The following NTRK3 variants were observed in gnomAD, a reference collection of about 807,000 sequenced individuals.
NTRK3 encodes NT-3 growth factor receptor.
NTRK3 carries 24 observed loss-of-function variants against 91.7 expected under a neutral mutation model. That is an observed-to-expected ratio of 0.26 (90% CI 0.19 to 0.37). The LOEUF is 0.37. NTRK3 is among the 10% of genes least tolerant of loss of function. The probability of loss-of-function intolerance (pLI) is 1.00; values close to 1 mark genes in which losing one functional copy is unlikely to be tolerated. For synonymous variants in NTRK3, 483 were observed against 404.0 expected, an observed-to-expected ratio of 1.20 and a Z score of -2.34; for missense variants, 880 against 1,068.9, an observed-to-expected ratio of 0.82 and a Z score of 2.46.
chr15:88,088,626 G>C (rs554247348), intron 13 of NTRK3, among the ~76,000 whole-genome samples: 1 of 152,242 alleles, frequency 6.6e-6, no homozygotes, highest in Admixed American at 6.5e-5. Flanking sequence ...CATAGTCATA[G>C]AAGTAATATG....
intron 17 of NTRK3, among the ~76,000 whole-genome samples, chr15:87,885,116 G>A (rs1028011699): frequency 3.3e-5 from 5 of 151,846 alleles, no homozygotes; most frequent in African/African-American, 9.7e-5. Flanking sequence ...CTCACATGCC[G>A]GTGGCAATGA....
chr15:87,948,508 C>T (rs1431460572), intron 14 of NTRK3, among the ~76,000 whole-genome samples: 5 of 152,032 alleles, frequency 3.3e-5, no homozygotes, highest in Admixed American at 6.5e-5. Context: ...GCCAACATGG[C>T]GAAACCCCAT....
chr15:88,176,602 C>A (rs1463322782), intron 5 of NTRK3, among the ~76,000 whole-genome samples: 1 of 152,176 alleles, frequency 6.6e-6, no homozygotes, highest in Admixed American at 6.5e-5. Context: ...TCAGCTCTTA[C>A]CCATGGAGAT....
At chr15:88,057,765 A>G (rs2045855762) in intron 13 of NTRK3, among the ~76,000 whole-genome samples, 1 of 152,208 alleles carries the variant, frequency 6.6e-6, no homozygotes, top group African/African-American at 2.4e-5. Flanking sequence ...CTGCACCCAT[A>G]GCCTCTTGCA....
At chr15:88,187,203 T>C (rs2047012521) in intron 3 of NTRK3, among the ~76,000 whole-genome samples, 1 of 152,184 alleles carries the variant, frequency 6.6e-6, no homozygotes, top group Non-Finnish European at 1.5e-5. Flanking sequence ...AAACCCCATG[T>C]GGCAGAGTGT....
chr15:87,946,503 C>A (rs867222665), intron 14 of NTRK3, among the ~76,000 whole-genome samples: 4 of 152,140 alleles, frequency 2.6e-5, no homozygotes, highest in Non-Finnish European at 4.4e-5. Flanking sequence ...GTCTTGGGGA[C>A]CACGTGTGTG....
chr15:88,201,094 C>A (rs530069757), intron 3 of NTRK3, among the ~76,000 whole-genome samples: 2 of 152,300 alleles, frequency 1.3e-5, no homozygotes, highest in East Asian at 3.9e-4. Flanking sequence ...CGGTTAACAA[C>A]AGGAGTGCTT....
intron 14 of NTRK3, among the ~76,000 whole-genome samples, chr15:88,023,693 C>T (rs570075202): frequency 5.3e-5 from 8 of 152,264 alleles, no homozygotes; most frequent in East Asian, 1.9e-4. Context: ...CTAAAACAAC[C>T]GCAGGAAGCT....
chr15:88,063,990 T>C (rs922052102), intron 13 of NTRK3, among the ~76,000 whole-genome samples: 1 of 152,156 alleles, frequency 6.6e-6, no homozygotes, highest in Admixed American at 6.5e-5. Flanking sequence ...TTTGTAGATA[T>C]AATTAAAATA....
chr15:88,058,404 T>C (rs752082745), intron 13 of NTRK3, among the ~76,000 whole-genome samples: 1 of 152,172 alleles, frequency 6.6e-6, no homozygotes. Context: ...GAAAAGTGTT[T>C]GGTATTTATT....
intron 3 of NTRK3, among the ~76,000 whole-genome samples, chr15:88,251,931 T>A (rs2053425603): frequency 6.6e-6 from 1 of 152,048 alleles, no homozygotes. Context: ...CCCATGGAGG[T>A]GCAGAGCAGA....
At chr15:88,099,441 T>C (rs2049956845) in intron 13 of NTRK3, among the ~76,000 whole-genome samples, 1 of 152,240 alleles carries the variant, frequency 6.6e-6, no homozygotes, top group Admixed American at 6.5e-5. Context: ...CAAAGACGTG[T>C]ATTATGAACA....
At chr15:88,134,078 G>A (rs1280026676) in intron 10 of NTRK3, among the ~76,000 whole-genome samples, 3 of 152,178 alleles carry the variant, frequency 2.0e-5, no homozygotes, top group Non-Finnish European at 4.4e-5. Context: ...CTTTGTGCAC[G>A]TGTGTGAGCA....
chr15:88,097,703 C>T lies in NTRK3; in HGVS notation c.1396+28568G>A, dbSNP rs555505631. Among the ~76,000 whole-genome samples, 18 of 152,222 alleles carry T rather than the reference C, an allele frequency of 1.2e-4. No homozygotes were observed. The East Asian group carries it at 1.7e-3, about 15-fold the overall frequency. ...ACAGATTTACTTGGATTGAAAAGCA[C>T]GCAATCTTTAAAAACGATGGTTATA... On this transcript the variant is annotated intron_variant, in intron 13 of 18. Transcript: ENST00000394480.
chr15:87,865,688 C>A (rs2064651774), exon 19 of NTRK3: 1 of 221,490 alleles, frequency 4.5e-6, no homozygotes, highest in East Asian at 6.6e-5. Context: ...TTGACAGAAC[C>A]TTATGAAAGC....
At chr15:87,881,661 C>T (rs1005511612) in intron 17 of NTRK3, among the ~76,000 whole-genome samples, 1 of 151,874 alleles carries the variant, frequency 6.6e-6, no homozygotes, top group African/African-American at 2.4e-5. Flanking sequence ...CCTCGTGATC[C>T]GCCTGCCTCG....
At chr15:88,024,874 A>T (rs991582804) in intron 14 of NTRK3, among the ~76,000 whole-genome samples, 2 of 152,270 alleles carry the variant, frequency 1.3e-5, no homozygotes, top group Non-Finnish European at 2.9e-5. Flanking sequence ...TGGTACCAAG[A>T]GGTGCCAGTC....
At chr15:87,908,114 T>A (rs914012898) in intron 17 of NTRK3, among the ~76,000 whole-genome samples, 1 of 152,142 alleles carries the variant, frequency 6.6e-6, no homozygotes, top group African/African-American at 2.4e-5. Context: ...TCACACCTCC[T>A]GAAATGCAAG....
At chr15:88,226,028 G>A (rs763308424) in intron 3 of NTRK3, among the ~76,000 whole-genome samples, 14 of 152,220 alleles carry the variant, frequency 9.2e-5, no homozygotes, top group East Asian at 1.9e-4. Flanking sequence ...TCTGGAAGTC[G>A]AGAGAACACT....
Sources: allele counts gnomAD v4.1 joint callset (sites outside exome capture counted in the v4.1 genomes callset), GRCh38; gene constraint gnomAD v4.1.1; transcripts MANE v1.5; gene names NCBI Gene and HGNC (gene_info 2026-07-23, HGNC 2026-07-21).